MPDZ: variants seen among roughly 807,000 people sequenced by gnomAD.
MPDZ encodes the protein multiple PDZ domain protein.
MPDZ carries 234 observed loss-of-function variants against 239.1 expected under a neutral mutation model. That is an observed-to-expected ratio of 0.98 (90% CI 0.88 to 1.09). The LOEUF is 1.09. MPDZ is among the 50% of genes least tolerant of loss of function. MPDZ has a pLI of 0.00. For synonymous variants in MPDZ, 1,048 were observed against 881.3 expected (o/e 1.19, Z -3.35); for missense variants, 3,175 against 2,510.0 (o/e 1.26, Z -5.66).
intron 3 of MPDZ, among the ~76,000 whole-genome samples, chr9:13,233,895 G>A (rs529669605): frequency 6.6e-6 from 1 of 152,098 alleles, no homozygotes; most frequent in South Asian, 2.1e-4. Flanking sequence ...GTGATGTGTG[G>A]CCCTCCACAG....
At chr9:13,276,599 G>A (rs1158271758) in intron 1 of MPDZ, 2 of 152,138 alleles carry the variant, frequency 1.3e-5, no homozygotes, top group African/African-American at 4.8e-5. Context: ...AATTCACCAG[G>A]AAGTTGTCTG....
rs749622713 is a variant in MPDZ, at chr9:13,206,105, AT to A, written c.1291-7del. 5 of 1,544,980 alleles carry A rather than the reference AT, an allele frequency of 3.2e-6. No homozygotes were observed. The South Asian group carries it at 3.7e-5, about 11-fold the overall frequency. On this transcript the variant is annotated splice_polypyrimidine_tract_variant and splice_region_variant and intron_variant, in intron 10 of 46. Transcript: ENST00000319217. ...TGAAGGTTTGTGCCATCTACCTGTG[AT>A]TAAAAAAAAAAAAAAGCATGTTACA... is the stretch of plus-strand genomic sequence containing the variant.
chr9:13,143,675 C>A (rs1280002234), intron 26 of MPDZ, 111 bp from the exon 27 acceptor site: 1 of 804,046 alleles, frequency 1.2e-6, no homozygotes, highest in Non-Finnish European at 2.2e-6. Flanking sequence ...GAAACTAGAT[C>A]CTATCAGATC....
intron 23 of MPDZ, among the ~76,000 whole-genome samples, chr9:13,158,840 T>G (rs1311627339): frequency 6.6e-6 from 1 of 152,168 alleles, no homozygotes; most frequent in Non-Finnish European, 1.5e-5. Context: ...AAGAAATATT[T>G]TGTTAGTCCA....
intron 21 of MPDZ, among the ~76,000 whole-genome samples, chr9:13,170,394 T>C (rs1951638005): frequency 6.6e-6 from 1 of 152,166 alleles, no homozygotes; most frequent in South Asian, 2.1e-4. Flanking sequence ...CTTAAAATAT[T>C]CTGTTAAGAC....
In MPDZ at chr9:13,106,354, A is replaced by G. The variant is rs1302533256; in HGVS notation, c.*611T>C. On this transcript the variant is annotated 3_prime_UTR_variant, in exon 47 of 47. Coordinates refer to ENST00000319217, the MANE Select transcript of MPDZ (RefSeq NM_001378778.1). ...GCTTCATGTATTTGCCATTTACTCA[A>G]TTGTAGAAACCAATTTTAGCAGGAA... is the stretch of plus-strand genomic sequence containing the variant. 6.6e-6 allele frequency: 1 copy of G among 152,154 alleles called. No homozygotes were observed. Among genetic ancestry groups the G allele is most frequent in the Non-Finnish European group, 1.5e-5 (1 of 68,016 alleles). 9.4% of individuals were successfully genotyped at this position (152,154 alleles called of 1,614,324 possible). A position where few individuals can be genotyped will look rare whatever the true frequency, so the allele number is the denominator to read the frequency against.
intron 35 of MPDZ, 81 bp downstream of exon 35, chr9:13,125,135 C>T (rs1159906034): frequency 9.8e-6 from 13 of 1,325,764 alleles, no homozygotes; most frequent in Non-Finnish European, 1.3e-5. Flanking sequence ...CACAGGTAGG[C>T]AGCTGGCTCC....
At chr9:13,199,448 A>C (rs1956117593) in intron 12 of MPDZ, among the ~76,000 whole-genome samples, 1 of 152,076 alleles carries the variant, frequency 6.6e-6, no homozygotes, top group African/African-American at 2.4e-5. Context: ...TCTGCAAATA[A>C]GGACAATTTG....
intron 10 of MPDZ, among the ~76,000 whole-genome samples, chr9:13,214,240 T>C (rs931469286): frequency 1.3e-4 from 19 of 151,940 alleles, no homozygotes; most frequent in African/African-American, 4.6e-4. Flanking sequence ...TATTCAGCAA[T>C]AAAGGGAAAT....
At chr9:13,162,453 T>C (rs1950597960) in intron 23 of MPDZ, among the ~76,000 whole-genome samples, 1 of 152,060 alleles carries the variant, frequency 6.6e-6, no homozygotes, top group East Asian at 1.9e-4. Context: ...AAGTGCTACA[T>C]TGTGTGGTAA....
At chr9:13,232,383 A>G (rs1962744966) in intron 3 of MPDZ, among the ~76,000 whole-genome samples, 1 of 152,304 alleles carries the variant, frequency 6.6e-6, no homozygotes, top group Admixed American at 6.5e-5. Context: ...CCACACATAT[A>G]TGACCCCGTG....
chr9:13,216,684 T>C, intron 10 of MPDZ, 90 bp downstream of exon 10: 1 of 916,930 alleles, frequency 1.1e-6, no homozygotes, highest in Non-Finnish European at 1.7e-6. Context: ...TAGTACAGAG[T>C]TAACTCTAGC....
intron 38 of MPDZ, 52 bp from the exon 39 acceptor site, chr9:13,119,701 T>G: frequency 6.2e-7 from 1 of 1,607,450 alleles, no homozygotes; most frequent in East Asian, 2.2e-5. Context: ...TGTAATGCAA[T>G]GCTTATTTAA....
Position 13,253,350 on chromosome 9 carries a change from T to G in MPDZ, c.-57-2978A>C, listed in dbSNP as rs147695082. 4.3e-4 allele frequency among the ~76,000 whole-genome samples: 65 copies of G among 152,268 alleles called. 1 individual carries two copies. Among genetic ancestry groups the G allele is most frequent in the African/African-American group, 1.5e-3 (62 of 41,548 alleles). ...CCTAAAATAAATGCATAGCTTTTTT[T>G]GAGATTTTTCAGGGGATTTCACCAT... On this transcript the variant is annotated intron_variant, in intron 1 of 46. Coordinates refer to ENST00000319217, the MANE Select transcript of MPDZ (RefSeq NM_001378778.1).
At chr9:13,184,670 A>C (rs991458214) in intron 18 of MPDZ, among the ~76,000 whole-genome samples, 4 of 152,018 alleles carry the variant, frequency 2.6e-5, no homozygotes, top group African/African-American at 4.8e-5. Flanking sequence ...AGACACTATT[A>C]ACTAAGCCTT....
At chr9:13,167,910 A>C (rs1260432816) in intron 22 of MPDZ, among the ~76,000 whole-genome samples, 1 of 152,144 alleles carries the variant, frequency 6.6e-6, no homozygotes, top group Non-Finnish European at 1.5e-5. Flanking sequence ...AGAAACGGTA[A>C]GTTTTGGGTC....
chr9:13,241,433 GTCC>G (rs1290402514), intron 3 of MPDZ, among the ~76,000 whole-genome samples: 1 of 152,046 alleles, frequency 6.6e-6, no homozygotes, highest in Non-Finnish European at 1.5e-5. Context: ...CTTTCGTTCT[GTCC>G]TCCTTCCCCT....
At chr9:13,111,277 G>A (rs937452065) in intron 43 of MPDZ, among the ~76,000 whole-genome samples, 1 of 152,154 alleles carries the variant, frequency 6.6e-6, no homozygotes, top group Non-Finnish European at 1.5e-5. Flanking sequence ...AAAATATTCA[G>A]TATCTGTCCT....
chr9:13,243,968 A>AGAAAAT (rs1966010263), intron 3 of MPDZ, among the ~76,000 whole-genome samples: 1 of 152,224 alleles, frequency 6.6e-6, no homozygotes, highest in African/African-American at 2.4e-5. Context: ...CAGCTTTTGC[A>AGAAAAT]GCCTGAGTCA....
Sources: allele counts gnomAD v4.1 joint callset (sites outside exome capture counted in the v4.1 genomes callset), GRCh38; gene constraint gnomAD v4.1.1; transcripts MANE v1.5; gene names NCBI Gene and HGNC (gene_info 2026-07-23, HGNC 2026-07-21).